The following GP5 variants were observed in gnomAD, a reference collection of about 807,000 sequenced individuals.
The protein encoded by GP5 is platelet glycoprotein V.
For synonymous variants in GP5, 382 were observed against 353.9 expected (o/e 1.08, Z -0.89); for missense variants, 755 against 737.1 (o/e 1.02, Z -0.28).
Position 194,397,895 on chromosome 3 carries a change from C to A in GP5, c.388G>T (p.Asp130Tyr), listed in dbSNP as rs147093306. The change falls in exon 2 of 2, where the codon GAC becomes TAC. Residue 130 changes from aspartate to tyrosine, a missense_variant. Coordinates refer to ENST00000692618, the MANE Select transcript of GP5 (RefSeq NM_004488.2). This position sits in a 1 kb window ranked among gnomAD's most constrained non-coding sequence, Gnocchi z 7.2. ...TCAATGCCCCTTAGCGCATTGTGGT[C>A]CAAAAACAACTGCTCCAGGAGCACC... is the stretch of plus-strand genomic sequence containing the variant. Reference protein sequence around the residue: ...KMVLLEQLFLDHNALRGIDQN... With the variant: ...KMVLLEQLFLYHNALRGIDQN... 1,277 of 1,614,136 alleles carry A rather than the reference C, an allele frequency of 7.9e-4. 12 individuals carry two copies. Among genetic ancestry groups the A allele is most frequent in the Non-Finnish European group, 7.8e-5 (92 of 1,180,018 alleles).
Position 194,396,934 on chromosome 3 carries a change from C to G in GP5, c.1349G>C (p.Arg450Pro), listed in dbSNP as rs1185410218. The stretch of plus-strand genomic sequence containing the variant: ...GGCGTGCGCCCCAGGGCCTGCGCAC[C>G]GTGGGGGCTCTTCCCCGCCCACGAG... ...LGLVGGEEPPRCAGPGAHAGL... is the reference protein window; with the variant it reads ...LGLVGGEEPPPCAGPGAHAGL... Residue 450 changes from arginine to proline, a missense_variant, in exon 2 of 2, where the codon CGG becomes CCG. Arg to Pro is a moderately radical substitution (Grantham distance 103). Transcript: ENST00000692618. 5 of 1,534,996 alleles carry G rather than the reference C, an allele frequency of 3.3e-6. No homozygotes were observed. The Admixed American group carries it at 7.9e-5, about 24-fold the overall frequency.
chr3:194,397,305 C>A lies in GP5; in HGVS notation c.978G>T (p.Arg326=), dbSNP rs538235455. 4 of 1,584,198 alleles carry A rather than the reference C, an allele frequency of 2.5e-6. No individual in the cohort carries two copies. In the South Asian group the frequency reaches 3.4e-5, roughly 13 times the overall value. The part of the protein sequence containing the change: ...LRYLGVTLSP[R]LSALPQGAFQ... Reference sequence around the variant, plus strand: ...AGGCGCCCTGCGGAAGCGCGCTCAGCCGCGGGCTCAGAGTCACCCCTAAGT... The same window carrying A: ...AGGCGCCCTGCGGAAGCGCGCTCAGACGCGGGCTCAGAGTCACCCCTAAGT... The change falls in exon 2 of 2, where the codon CGG becomes CGT. Residue 326 remains arginine (R), a synonymous_variant. Transcript: ENST00000692618. This position sits in a 1 kb window ranked among gnomAD's most constrained non-coding sequence, Gnocchi z 7.2.
Position 194,397,808 on chromosome 3 carries a change from C to A in GP5, c.475G>T (p.Asp159Tyr). The part of the protein sequence containing the change: ...QELALNQNQL[D>Y]FLPASLFTNL... The stretch of plus-strand genomic sequence containing the variant: ...GTGAAGAGACTGGCAGGAAGGAAAT[C>A]GAGCTGATTCTGGTTCAGAGCGAGC... Residue 159 changes from aspartate (D) to tyrosine (Y), a missense_variant, in exon 2 of 2, where the codon GAT becomes TAT. Coordinates refer to ENST00000692618, the MANE Select transcript of GP5 (RefSeq NM_004488.2). The surrounding 1 kb of genome is among the most constrained non-coding windows in gnomAD (Gnocchi z 7.2). The A allele has an allele frequency of 1.9e-6, 3 of 1,613,968 alleles. No individual in the cohort carries two copies. Among genetic ancestry groups the A allele is most frequent in the African/African-American group, 1.3e-5 (1 of 75,002 alleles).
Position 194,398,169 on chromosome 3 carries a change from GC to G in GP5, c.113del (p.Gly38AlafsTer9), listed in dbSNP as rs750629635. ...VFRDAAQCSG[G>X]DVARISALGL... is the part of the protein sequence containing the mutation. ...CTAGCGCGGAGATGCGCGCCACGTC[GC>G]CCCCCGAGCACTGCGCGGCGTCCCG... On this transcript the variant is annotated frameshift_variant, in exon 2 of 2. Coordinates refer to ENST00000692618, the MANE Select transcript of GP5 (RefSeq NM_004488.2). LOFTEE classifies it low-confidence loss of function (END_TRUNC). 4.3e-6 allele frequency: 7 copies of G among 1,612,698 alleles called. No individual in the cohort carries two copies. The highest frequency in any genetic ancestry group is 1.7e-5 in the Admixed American group (1 of 59,996).
intron 1 of GP5, among the ~76,000 whole-genome samples, chr3:194,398,793 G>T (rs1009641969): frequency 1.3e-5 from 2 of 152,148 alleles, no homozygotes; most frequent in Non-Finnish European, 2.9e-5. Context: ...CCCCAAAACA[G>T]CGAACACCTT....
Position 194,397,149 on chromosome 3 carries a change from C to A in GP5, c.1134G>T (p.Leu378=), listed in dbSNP as rs368103666. ...VSLRRNRLRA[L]PRALFRNLSS... ...TGAGATTGCGGAAGAGGGCACGGGG[C>A]AGGGCGCGCAGCCTGTTGCGGCGCA... Residue 378 remains leucine (L), a synonymous_variant, in exon 2 of 2, where the codon CTG becomes CTT. Transcript: ENST00000692618. This position sits in a 1 kb window ranked among gnomAD's most constrained non-coding sequence, Gnocchi z 7.2. The A allele has an allele frequency of 2.6e-5, 41 of 1,584,212 alleles. No homozygotes were observed. The highest frequency in any genetic ancestry group is 3.4e-5 in the Non-Finnish European group (40 of 1,173,394).
At position 194,397,101 on chromosome 3, in the gene GP5, G is replaced by A. The variant is rs1345707210; in HGVS notation, c.1182C>T (p.Leu394=). 2 of 1,593,216 alleles carry A rather than the reference G, an allele frequency of 1.3e-6. No homozygotes were observed. The highest frequency in any genetic ancestry group is 1.7e-6 in the Non-Finnish European group (2 of 1,177,442). ...GCAGGGTCTCCAGCTGGTTGTGGTC[G>A]AGCTGGACGCTCTCCAGGCTGCTGA... is the stretch of plus-strand genomic sequence containing the variant. ...RNLSSLESVQ[L]DHNQLETLPG... Residue 394 remains leucine (L), a synonymous_variant, in exon 2 of 2, where the codon CTC becomes CTT. Coordinates refer to ENST00000692618, the MANE Select transcript of GP5 (RefSeq NM_004488.2). This position sits in a 1 kb window ranked among gnomAD's most constrained non-coding sequence, Gnocchi z 7.2.
chr3:194,398,783 C>T (rs979295098), intron 1 of GP5, among the ~76,000 whole-genome samples: 3 of 152,170 alleles, frequency 2.0e-5, no homozygotes, highest in Non-Finnish European at 4.4e-5. Context: ...TAAAGGACAC[C>T]CCCAAAACAG....
rs1447669363 is a variant in GP5, at chr3:194,396,942, C to T, written c.1341G>A (p.Glu447=). 1.3e-6 allele frequency: 2 copies of T among 1,538,670 alleles called. No individual in the cohort carries two copies. The highest frequency in any genetic ancestry group is 2.4e-5 in the East Asian group (1 of 40,928). Residue 447 remains glutamate (E), a synonymous_variant, in exon 2 of 2, where the codon GAG becomes GAA. Coordinates refer to ENST00000692618, the MANE Select transcript of GP5 (RefSeq NM_004488.2). ...CCCCAGGGCCTGCGCACCGTGGGGG[C>T]TCTTCCCCGCCCACGAGGCCTAGGT... ...RQHLGLVGGE[E]PPRCAGPGAH...
chr3:194,397,265 C>G lies in GP5; in HGVS notation c.1018G>C (p.Glu340Gln). 3.2e-6 allele frequency: 5 copies of G among 1,579,244 alleles called. No individual in the cohort carries two copies. Among genetic ancestry groups the G allele is most frequent in the Non-Finnish European group, 4.3e-6 (5 of 1,170,622 alleles). ...GAGTGCAGGGCGAGCACCTGGAGCT[C>G]GCCAAGGCCCTGGAAGGCGCCCTGC... ...LPQGAFQGLGELQVLALHSNG... is the reference protein window; with the variant it reads ...LPQGAFQGLGQLQVLALHSNG... Residue 340 changes from glutamate (E) to glutamine (Q), a missense_variant, in exon 2 of 2, where the codon GAG becomes CAG. By Grantham distance (29) the Glu-to-Gln change is conservative (BLOSUM62 2). Coordinates refer to ENST00000692618, the MANE Select transcript of GP5 (RefSeq NM_004488.2). The surrounding 1 kb of genome is among the most constrained non-coding windows in gnomAD (Gnocchi z 7.2).
In GP5 at chr3:194,396,574, A is replaced by G; in HGVS notation, c.*26T>C. The G allele has an allele frequency of 6.4e-7, 1 of 1,573,116 alleles. No individual in the cohort carries two copies. The highest frequency in any genetic ancestry group is 8.6e-7 in the Non-Finnish European group (1 of 1,157,608). On this transcript the variant is annotated 3_prime_UTR_variant, in exon 2 of 2. Transcript: ENST00000692618. ...CCGAGCCACATCTGGTCAGGTTCTA[A>G]GTAATTAGAAGATTTTCCCATTGGT...
At position 194,396,841 on chromosome 3, in the gene GP5, C is replaced by G. The variant is rs747024152; in HGVS notation, c.1442G>C (p.Arg481Pro). Residue 481 changes from arginine (R) to proline (P), a missense_variant, in exon 2 of 2, where the codon CGC (arginine) becomes CCC (proline). Coordinates refer to ENST00000692618, the MANE Select transcript of GP5 (RefSeq NM_004488.2). ...ECPGPRGPPP[R>P]PAADSSSEAP... ...TTCCGAGGAGCTGTCCGCAGCGGGG[C>G]GGGGAGGCGGGCCCCGGGGGCCCGG... The G allele has an allele frequency of 7.7e-6, 12 of 1,565,950 alleles. No individual in the cohort carries two copies. Among genetic ancestry groups the G allele is most frequent in the African/African-American group, 1.4e-5 (1 of 72,010 alleles).
At position 194,398,155 on chromosome 3, in the gene GP5, A is replaced by G. The variant is rs745587507; in HGVS notation, c.128T>C (p.Ile43Thr). The G allele has an allele frequency of 1.2e-6, 2 of 1,612,740 alleles. No individual in the cohort carries two copies. The highest frequency in any genetic ancestry group is 1.7e-5 in the Admixed American group (1 of 59,984). The change falls in exon 2 of 2, where the codon ATC becomes ACC. Residue 43 changes from isoleucine (I) to threonine (T), a missense_variant. Ile to Thr is a moderately conservative substitution (Grantham distance 89). Coordinates refer to ENST00000692618, the MANE Select transcript of GP5 (RefSeq NM_004488.2). ...GTTGGTGGGCAGGCCTAGCGCGGAG[A>G]TGCGCGCCACGTCGCCCCCCGAGCA... ...AQCSGGDVAR[I>T]SALGLPTNLT...
chr3:194,398,916 T>A (rs1714535782), intron 1 of GP5, among the ~76,000 whole-genome samples: 1 of 152,152 alleles, frequency 6.6e-6, no homozygotes, highest in African/African-American at 2.4e-5. Context: ...CCTTAGGAGG[T>A]AAGTATATTA....
rs143237677 is a variant in GP5, at chr3:194,396,632, G to A, written c.1651C>T (p.Arg551Ter). Reference sequence around the variant, plus strand: ...AGGGCTCTCTCTCTGATTAATTTTCGAAAGAGTTGGCCAATTTTAATCATA... The same window carrying A: ...AGGGCTCTCTCTCTGATTAATTTTCAAAAGAGTTGGCCAATTTTAATCATA... ...FAMIKIGQLF[R>*]KLIRERALG The change falls in exon 2 of 2, where the codon CGA (arginine) becomes TGA (stop). Residue 551 changes from arginine to a stop codon, truncating the protein, a stop_gained. Transcript: ENST00000692618. LOFTEE classifies it high-confidence loss of function. 1.2e-6 allele frequency: 2 copies of A among 1,611,612 alleles called. No homozygotes were observed. The highest frequency in any genetic ancestry group is 2.2e-5 in the East Asian group (1 of 44,870).
In GP5 at chr3:194,397,577, C is replaced by CG; in HGVS notation, c.705dup (p.Gly236ArgfsTer234). On this transcript the variant is annotated frameshift_variant, in exon 2 of 2. Coordinates refer to ENST00000692618, the MANE Select transcript of GP5 (RefSeq NM_004488.2). LOFTEE classifies it low-confidence loss of function (END_TRUNC). This position sits in a 1 kb window ranked among gnomAD's most constrained non-coding sequence, Gnocchi z 7.2. ...AGGTTTGGGAGCCGGTCGAAGGCCC[C>CG]GGGTGCGATGGAACGGATGTGATTT... 6.2e-7 allele frequency: 1 copy of CG among 1,614,122 alleles called. No homozygotes were observed. Among genetic ancestry groups the CG allele is most frequent in the Non-Finnish European group, 8.5e-7 (1 of 1,180,022 alleles).
Position 194,397,100 on chromosome 3 carries a change from C to T in GP5, c.1183G>A (p.Asp395Asn), listed in dbSNP as rs753707405. ...GGCAGGGTCTCCAGCTGGTTGTGGT[C>T]GAGCTGGACGCTCTCCAGGCTGCTG... ...NLSSLESVQLDHNQLETLPGD... is the reference protein window; with the variant it reads ...NLSSLESVQLNHNQLETLPGD... Residue 395 changes from aspartate (D) to asparagine (N), a missense_variant, in exon 2 of 2, where the codon GAC becomes AAC. By Grantham distance (23) the Asp-to-Asn change is conservative (BLOSUM62 1). Transcript: ENST00000692618. The surrounding 1 kb of genome is among the most constrained non-coding windows in gnomAD (Gnocchi z 7.2). 6.3e-7 allele frequency: 1 copy of T among 1,593,082 alleles called. No individual in the cohort carries two copies. Among genetic ancestry groups the T allele is most frequent in the South Asian group, 1.1e-5 (1 of 89,936 alleles).
rs1714462573 is a variant in GP5 at position 194,396,597 on chromosome 3, G to A, written c.*3C>T. On this transcript the variant is annotated 3_prime_UTR_variant, in exon 2 of 2. Coordinates refer to ENST00000692618, the MANE Select transcript of GP5 (RefSeq NM_004488.2). ...TAAGTAATTAGAAGATTTTCCCATT[G>A]GTTTACCCAAGGGCTCTCTCTCTGA... The A allele has an allele frequency of 1.2e-6, 2 of 1,601,226 alleles. No homozygotes were observed. Among genetic ancestry groups the A allele is most frequent in the African/African-American group, 1.3e-5 (1 of 74,466 alleles).
Position 194,396,856 on chromosome 3 carries a change from C to G in GP5, c.1427G>C (p.Arg476Pro), listed in dbSNP as rs201946987. Residue 476 changes from arginine to proline, a missense_variant, in exon 2 of 2, where the codon CGG becomes CCG. Coordinates refer to ENST00000692618, the MANE Select transcript of GP5 (RefSeq NM_004488.2). The stretch of plus-strand genomic sequence containing the variant: ...CGCAGCGGGGCGGGGAGGCGGGCCC[C>G]GGGGGCCCGGGCACTCCGCGTCACC... Reference protein sequence around the residue: ...PGGDAECPGPRGPPPRPAADS... With the variant: ...PGGDAECPGPPGPPPRPAADS... The G allele has an allele frequency of 6.5e-6, 10 of 1,546,720 alleles. No homozygotes were observed. In the East Asian group the frequency reaches 2.3e-4, roughly 36 times the overall value.
Sources: allele counts gnomAD v4.1 joint callset (sites outside exome capture counted in the v4.1 genomes callset), GRCh38; gene constraint gnomAD v4.1.1; non-coding constraint Gnocchi (gnomAD v3.1); transcripts MANE v1.5; gene names NCBI Gene and HGNC (gene_info 2026-07-23, HGNC 2026-07-21).